SLC22A23: variants seen among roughly 807,000 people sequenced by gnomAD.
SLC22A23 encodes the protein ion transporter protein.
A neutral mutation model predicts 61.0 loss-of-function variants in SLC22A23; 26 were observed. That is an observed-to-expected ratio of 0.43 (90% CI 0.31 to 0.59). SLC22A23 has a LOEUF of 0.59. Ranked by LOEUF, SLC22A23 falls within the 20% of genes least tolerant of loss-of-function variation. The pLI, the probability that SLC22A23 is intolerant of heterozygous loss-of-function variation, is 0.11. For synonymous variants in SLC22A23, 430 were observed against 413.9 expected (o/e 1.04, Z -0.47); for missense variants, 796 against 934.7 (o/e 0.85, Z 1.94).
At chr6:3,296,843 C>T (rs1301210291) in intron 5 of SLC22A23, among the ~76,000 whole-genome samples, 5 of 152,178 alleles carry the variant, frequency 3.3e-5, no homozygotes, top group Non-Finnish European at 4.4e-5. Flanking sequence ...CCTAGTGTCC[C>T]CGATCTTCTG....
rs113718910 is a variant in SLC22A23 at position 3,335,952 on chromosome 6, G to C, written c.914-11950C>G. On this transcript the variant is annotated intron_variant, in intron 3 of 9. Transcript: ENST00000406686. ...AAAATACAAAAAATTAGCCGGGCGCGGTGGCGGGCGCCTGTAGTCCCAGTT... is the reference window on the plus strand; with the variant it reads ...AAAATACAAAAAATTAGCCGGGCGCCGTGGCGGGCGCCTGTAGTCCCAGTT... Among the ~76,000 whole-genome samples the C allele has an allele frequency of 9.9e-5, 15 of 152,240 alleles. No individual in the cohort carries two copies. The South Asian group carries it at 2.9e-3, about 29-fold the overall frequency.
intron 3 of SLC22A23, among the ~76,000 whole-genome samples, chr6:3,355,974 G>A (rs185430345): frequency 1.8e-5 from 2 of 112,398 alleles, no homozygotes; most frequent in Admixed American, 2.0e-4. Flanking sequence ...ACAACGCAGT[G>A]TTCTAGATGT....
In SLC22A23 at chr6:3,371,778, G is replaced by A. The variant is rs534206034; in HGVS notation, c.913+38410C>T. ...TAACCCTCCTGAACATTTATTTCCT[G>A]CCAGGCACTGTGTTAAGTGCTACCT... On this transcript the variant is annotated intron_variant, in intron 3 of 9. Coordinates refer to ENST00000406686, the MANE Select transcript of SLC22A23 (RefSeq NM_015482.2). Among the ~76,000 whole-genome samples, 3 of 152,164 alleles carry A rather than the reference G, an allele frequency of 2.0e-5. No individual in the cohort carries two copies. The South Asian group carries it at 6.2e-4, about 32-fold the overall frequency.
At chr6:3,379,695 T>C (rs981229213) in intron 3 of SLC22A23, among the ~76,000 whole-genome samples, 5 of 152,056 alleles carry the variant, frequency 3.3e-5, no homozygotes, top group African/African-American at 1.2e-4. Context: ...CATATCACCT[T>C]GAACACAAGT....
At chr6:3,282,637 A>G (rs1759576526) in intron 9 of SLC22A23, among the ~76,000 whole-genome samples, 1 of 152,200 alleles carries the variant, frequency 6.6e-6, no homozygotes, top group Non-Finnish European at 1.5e-5. Context: ...GTTTTGACTC[A>G]CGGCTGAACT....
In SLC22A23 at chr6:3,386,614, G is replaced by C. The variant is rs534626932; in HGVS notation, c.913+23574C>G. Among the ~76,000 whole-genome samples, 1 of 152,346 alleles carries C rather than the reference G, an allele frequency of 6.6e-6. No homozygotes were observed. The highest frequency in any genetic ancestry group is 1.5e-5 in the Non-Finnish European group (1 of 68,026). On this transcript the variant is annotated intron_variant, in intron 3 of 9. Coordinates refer to ENST00000406686, the MANE Select transcript of SLC22A23 (RefSeq NM_015482.2). This position sits in a 1 kb window ranked among gnomAD's most constrained non-coding sequence, Gnocchi z 4.4. ...TCAGTAGCCGTGCCAAGCGTGGCTG[G>C]GGACAGCCCGAGAGCTCAGAACGGC... is the stretch of plus-strand genomic sequence containing the variant.
chr6:3,285,031 A>G (rs1313941121), intron 8 of SLC22A23, 48 bp downstream of exon 8: 26 of 1,605,882 alleles, frequency 1.6e-5, no homozygotes, highest in African/African-American at 2.7e-5. Flanking sequence ...ACACCCATTT[A>G]GATGTAATAT....
rs1353231392 is a variant in SLC22A23, at chr6:3,317,180, C to T, written c.1082+6654G>A. ...GATGTCACCCTGTCCCACGTATTACCTTCCTGATCTTCCATGCTGCGGTTT... is the reference window on the plus strand; with the variant it reads ...GATGTCACCCTGTCCCACGTATTACTTTCCTGATCTTCCATGCTGCGGTTT... On this transcript the variant is annotated intron_variant, in intron 4 of 9. Transcript: ENST00000406686. The surrounding 1 kb of genome is among the most constrained non-coding windows in gnomAD (Gnocchi z 4.4). 1.3e-5 allele frequency among the ~76,000 whole-genome samples: 2 copies of T among 152,202 alleles called. No individual in the cohort carries two copies. The highest frequency in any genetic ancestry group is 2.9e-5 in the Non-Finnish European group (2 of 68,046).
rs1199848232 is a variant in SLC22A23 at position 3,372,257 on chromosome 6, C to T, written c.913+37931G>A. On this transcript the variant is annotated intron_variant, in intron 3 of 9. Coordinates refer to ENST00000406686, the MANE Select transcript of SLC22A23 (RefSeq NM_015482.2). The surrounding 1 kb of genome is among the most constrained non-coding windows in gnomAD (Gnocchi z 4.7). ...CTGAAGCAGGGTAAACACCATCGGG[C>T]CAGTAAATCTTGTCCATCTAGTGTT... 1.3e-5 allele frequency among the ~76,000 whole-genome samples: 2 copies of T among 152,168 alleles called. No individual in the cohort carries two copies. Among genetic ancestry groups the T allele is most frequent in the African/African-American group, 4.8e-5 (2 of 41,436 alleles).
At chr6:3,288,720 A>G (rs1275346357) in intron 6 of SLC22A23, among the ~76,000 whole-genome samples, 1 of 152,256 alleles carries the variant, frequency 6.6e-6, no homozygotes, top group African/African-American at 2.4e-5. Flanking sequence ...AACTCCTAAC[A>G]GTGCCGCCAG....
rs1443696907 is a variant in SLC22A23 at position 3,360,727 on chromosome 6, G to A, written c.914-36725C>T. On this transcript the variant is annotated intron_variant, in intron 3 of 9. Coordinates refer to ENST00000406686, the MANE Select transcript of SLC22A23 (RefSeq NM_015482.2). The surrounding 1 kb of genome is among the most constrained non-coding windows in gnomAD (Gnocchi z 4.6). ...CTCAAGCTGGCCTGAGCCCCCAAGG[G>A]GTCCTCAGTGATGTCGACACGACAG... Among the ~76,000 whole-genome samples, 1 of 152,218 alleles carries A rather than the reference G, an allele frequency of 6.6e-6. No individual in the cohort carries two copies. The highest frequency in any genetic ancestry group is 1.5e-5 in the Non-Finnish European group (1 of 68,036).
At chr6:3,276,044 T>A (rs1187352117) in intron 9 of SLC22A23, among the ~76,000 whole-genome samples, 1 of 152,240 alleles carries the variant, frequency 6.6e-6, no homozygotes, top group East Asian at 1.9e-4. Context: ...AGGTCTATGC[T>A]AATAACCCCA....
In SLC22A23 at chr6:3,311,630, T is replaced by C. The variant is rs147827556; in HGVS notation, c.1082+12204A>G. The stretch of plus-strand genomic sequence containing the variant: ...GAGTATCATGAAATCGAATAAAGAT[T>C]GGCTCTGAGGATGGTTAGACCCCAA... On this transcript the variant is annotated intron_variant, in intron 4 of 9. Coordinates refer to ENST00000406686, the MANE Select transcript of SLC22A23 (RefSeq NM_015482.2). The C allele has an allele frequency of 1.1e-4, 16 of 152,328 alleles. No homozygotes were observed. In the East Asian group the frequency reaches 1.3e-3, roughly 13 times the overall value. 9.4% of individuals were successfully genotyped at this position (152,328 alleles called of 1,614,324 possible). A position where few individuals can be genotyped will look rare whatever the true frequency, so the allele number is the denominator to read the frequency against.
chr6:3,378,663 T>TC (rs1462199135), intron 3 of SLC22A23, among the ~76,000 whole-genome samples: 2 of 125,922 alleles, frequency 1.6e-5, no homozygotes, highest in African/African-American at 4.0e-5. Flanking sequence ...TTTTCTTTTT[T>TC]TTTTTTTTTT....
intron 3 of SLC22A23, among the ~76,000 whole-genome samples, chr6:3,349,007 T>C (rs1764607946): frequency 6.6e-6 from 1 of 152,192 alleles, no homozygotes; most frequent in South Asian, 2.1e-4. Flanking sequence ...GTAAACAGTG[T>C]CTCCCTCTGG....
chr6:3,328,900 C>T lies in SLC22A23; in HGVS notation c.914-4898G>A, dbSNP rs1025842618. 1.3e-5 allele frequency among the ~76,000 whole-genome samples: 2 copies of T among 152,156 alleles called. No individual in the cohort carries two copies. The highest frequency in any genetic ancestry group is 4.8e-5 in the African/African-American group (2 of 41,438). ...CCCATCTCCGAAGCTGCACCCCCTC[C>T]CTCCCCTTCTTACTCCCCACTCTCT... On this transcript the variant is annotated intron_variant, in intron 3 of 9. Transcript: ENST00000406686. The surrounding 1 kb of genome is among the most constrained non-coding windows in gnomAD (Gnocchi z 5.0).
At chr6:3,398,419 C>T (rs1039955737) in intron 3 of SLC22A23, among the ~76,000 whole-genome samples, 1 of 149,912 alleles carries the variant, frequency 6.7e-6, no homozygotes, top group Admixed American at 6.7e-5. Flanking sequence ...CAAACAGGAG[C>T]AGGCAGAGCC....
chr6:3,390,229 G>A lies in SLC22A23; in HGVS notation c.913+19959C>T, dbSNP rs1381852223. ...AATGACACCGAGGAGGAAAGGTACCGAAGAAAGAAAGCAGAACTGCCTGGA... is the reference window on the plus strand; with the variant it reads ...AATGACACCGAGGAGGAAAGGTACCAAAGAAAGAAAGCAGAACTGCCTGGA... On this transcript the variant is annotated intron_variant, in intron 3 of 9. Transcript: ENST00000406686. This position sits in a 1 kb window ranked among gnomAD's most constrained non-coding sequence, Gnocchi z 4.0. Among the ~76,000 whole-genome samples, 5 of 152,168 alleles carry A rather than the reference G, an allele frequency of 3.3e-5. No homozygotes were observed. Among genetic ancestry groups the A allele is most frequent in the African/African-American group, 1.2e-4 (5 of 41,430 alleles).
chr6:3,375,440 G>A (rs1031879338), intron 3 of SLC22A23, among the ~76,000 whole-genome samples: 22 of 152,188 alleles, frequency 1.4e-4, no homozygotes, highest in African/African-American at 2.4e-4. Flanking sequence ...ACAGTTATGC[G>A]TCCAACTAAA....
Sources: allele counts gnomAD v4.1 joint callset (sites outside exome capture counted in the v4.1 genomes callset), GRCh38; gene constraint gnomAD v4.1.1; non-coding constraint Gnocchi (gnomAD v3.1); transcripts MANE v1.5; gene names NCBI Gene and HGNC (gene_info 2026-07-23, HGNC 2026-07-21).